Variants in C2CD3 observed in about 807,000 individuals in gnomAD.
C2CD3 encodes the protein C2 domain containing 3 centriole elongation regulator.
In C2CD3, 148 loss-of-function variants were observed where a neutral mutation model predicts 234.0. That is an observed-to-expected ratio of 0.63 (90% CI 0.55 to 0.72). The LOEUF is 0.72. Ranked by LOEUF, C2CD3 falls within the 30% of genes least tolerant of loss-of-function variation. The probability of loss-of-function intolerance (pLI) is 0.00; values close to 1 mark genes in which losing one functional copy is unlikely to be tolerated. For synonymous variants in C2CD3, 1,000 were observed against 1,035.4 expected (o/e 0.97, Z 0.66); for missense variants, 2,577 against 2,811.5 (o/e 0.92, Z 1.89).
intron 11 of C2CD3, among the ~76,000 whole-genome samples, chr11:74,112,194 T>C (rs1281022122): frequency 6.6e-6 from 1 of 152,164 alleles, no homozygotes; most frequent in Admixed American, 6.6e-5. Context: ...GTAGGAGTGT[T>C]AGGACCACAT....
chr11:74,131,076 G>A (rs1337302865), intron 7 of C2CD3, among the ~76,000 whole-genome samples: 4 of 151,856 alleles, frequency 2.6e-5, no homozygotes, highest in African/African-American at 9.7e-5. Flanking sequence ...AGCCTCCCAA[G>A]TAGCTGGGAC....
chr11:74,123,737 C>CTT (rs5792646), intron 7 of C2CD3, among the ~76,000 whole-genome samples: 11 of 119,474 alleles, frequency 9.2e-5, no homozygotes, highest in Admixed American at 1.7e-4. Context: ...ACGCTGGTAT[C>CTT]TTTTTTTTTT....
chr11:74,037,567 C>T lies in C2CD3; in HGVS notation c.5792G>A (p.Gly1931Glu). 6.2e-7 allele frequency: 1 copy of T among 1,614,072 alleles called. No individual in the cohort carries two copies. Among genetic ancestry groups the T allele is most frequent in the African/African-American group, 1.3e-5 (1 of 74,996 alleles). The change falls in exon 30 of 33, where the codon GGG becomes GAG. Residue 1931 changes from glycine (G) to glutamate (E), a missense_variant. By Grantham distance (98) the Gly-to-Glu change is moderately conservative. Coordinates refer to ENST00000334126, the MANE Select transcript of C2CD3 (RefSeq NM_001286577.2). ...QHQESCRDHLGPGASSLDPGS... is the reference protein window; with the variant it reads ...QHQESCRDHLEPGASSLDPGS... Reference sequence around the variant, plus strand: ...AGGGTCTAGGCTGCTGGCACCTGGCCCAAGATGGTCCCTACAGCTCTCCTG... The same window carrying T: ...AGGGTCTAGGCTGCTGGCACCTGGCTCAAGATGGTCCCTACAGCTCTCCTG...
intron 8 of C2CD3, among the ~76,000 whole-genome samples, chr11:74,122,011 C>G (rs1957235509): frequency 6.6e-6 from 1 of 152,172 alleles, no homozygotes; most frequent in Non-Finnish European, 1.5e-5. Flanking sequence ...GTAGGGTTGC[C>G]AGACACAGAT....
Position 74,133,443 on chromosome 11 carries a change from G to C in C2CD3, c.1070C>G (p.Ser357Cys). Residue 357 changes from serine (S) to cysteine (C), a missense_variant, in exon 6 of 33, where the codon TCT (serine) becomes TGT (cysteine). Transcript: ENST00000334126. ...DQVHPPINEDSLRASTQIRAF... is the reference protein window; with the variant it reads ...DQVHPPINEDCLRASTQIRAF... ...AACTTACTGTGTTGATGCTCTAAGA[G>C]AATCTTCATTAATAGGAGGATGAAC... 1.9e-6 allele frequency: 3 copies of C among 1,613,602 alleles called. No homozygotes were observed. Among genetic ancestry groups the C allele is most frequent in the Non-Finnish European group, 2.5e-6 (3 of 1,179,574 alleles).
At chr11:74,038,719 C>T (rs1952862190) in intron 29 of C2CD3, among the ~76,000 whole-genome samples, 1 of 152,196 alleles carries the variant, frequency 6.6e-6, no homozygotes, top group East Asian at 1.9e-4. Flanking sequence ...TCCATTATCC[C>T]AAATCTTTGC....
intron 19 of C2CD3, chr11:74,091,231 A>G: frequency 4.0e-6 from 1 of 252,310 alleles, no homozygotes; most frequent in Non-Finnish European, 7.6e-6. Context: ...TTTACCCCCA[A>G]TTATGTTTAT....
chr11:74,126,780 G>A (rs1262309421), intron 7 of C2CD3, among the ~76,000 whole-genome samples: 3 of 151,960 alleles, frequency 2.0e-5, no homozygotes, highest in African/African-American at 2.4e-5. Flanking sequence ...TAAATAAAGT[G>A]AGCAATTCAA....
chr11:74,093,854 G>A lies in C2CD3; in HGVS notation c.3306C>T (p.Leu1102=), dbSNP rs1390267684. ...LLLSAFSAQG[L]VPGGGVQFEI... Reference sequence around the variant, plus strand: ...CAAACTGGACTCCACCTCCAGGCACGAGGCCCTGTGCAGAGAAAGCACTTA... The same window carrying A: ...CAAACTGGACTCCACCTCCAGGCACAAGGCCCTGTGCAGAGAAAGCACTTA... Residue 1102 remains leucine, a synonymous_variant, in exon 18 of 33, where the codon CTC becomes CTT. Coordinates refer to ENST00000334126, the MANE Select transcript of C2CD3 (RefSeq NM_001286577.2). The A allele has an allele frequency of 1.9e-5, 31 of 1,613,846 alleles. No individual in the cohort carries two copies. The highest frequency in any genetic ancestry group is 2.5e-5 in the Non-Finnish European group (30 of 1,179,922).
intron 19 of C2CD3, among the ~76,000 whole-genome samples, chr11:74,092,032 A>G (rs1014016394): frequency 7.3e-5 from 11 of 150,902 alleles, no homozygotes; most frequent in South Asian, 4.2e-4. Flanking sequence ...ATATATATAT[A>G]TGTGTGTGTG....
At chr11:74,095,717 T>C (rs1956079025) in intron 16 of C2CD3, among the ~76,000 whole-genome samples, 1 of 152,196 alleles carries the variant, frequency 6.6e-6, no homozygotes, top group African/African-American at 2.4e-5. Context: ...CATTTGTTCC[T>C]GATAAAAGCT....
At chr11:74,137,861 C>T (rs1957920448) in intron 5 of C2CD3, among the ~76,000 whole-genome samples, 1 of 152,158 alleles carries the variant, frequency 6.6e-6, no homozygotes, top group African/African-American at 2.4e-5. Flanking sequence ...GTTGGGATTA[C>T]AGGCGTGAGC....
intron 20 of C2CD3, among the ~76,000 whole-genome samples, chr11:74,090,357 A>G (rs1284947351): frequency 1.3e-5 from 2 of 152,120 alleles, no homozygotes; most frequent in Non-Finnish European, 2.9e-5. Context: ...AGTAATGAGG[A>G]TCCCGCCACT....
chr11:74,110,853 C>T (rs1956716116), intron 11 of C2CD3, among the ~76,000 whole-genome samples: 1 of 151,982 alleles, frequency 6.6e-6, no homozygotes, highest in South Asian at 2.1e-4. Flanking sequence ...CTAGTCTAAT[C>T]CATATTATTG....
chr11:74,160,616 G>T (rs1380776311), intron 3 of C2CD3, among the ~76,000 whole-genome samples: 1 of 152,102 alleles, frequency 6.6e-6, no homozygotes, highest in African/African-American at 2.4e-5. Flanking sequence ...ATGGAGAGAG[G>T]TTGGTCAATG....
Position 74,093,980 on chromosome 11 carries a change from G to A in C2CD3, c.3180C>T (p.Phe1060=), listed in dbSNP as rs1956005927. Residue 1060 remains phenylalanine, a synonymous_variant, in exon 18 of 33, where the codon TTC becomes TTT. Transcript: ENST00000334126. ...GAACACAGAGTGTGGTTGCAGTTCT[G>A]AAGGGCTTCAGAGTAATTCCTTTGG... ...FLENGITLKP[F]RTATTLCVPD... The A allele has an allele frequency of 6.2e-7, 1 of 1,613,604 alleles. No individual in the cohort carries two copies. Among genetic ancestry groups the A allele is most frequent in the African/African-American group, 1.3e-5 (1 of 74,910 alleles).
At chr11:74,130,118 G>C (rs1428050189) in intron 7 of C2CD3, 1 of 145,478 alleles carries the variant, frequency 6.9e-6, no homozygotes, top group Non-Finnish European at 1.5e-5. Context: ...GAGACCGTGG[G>C]GAGGGGGAGA....
chr11:74,134,017 A>G (rs1481331984), intron 5 of C2CD3, among the ~76,000 whole-genome samples: 1 of 152,200 alleles, frequency 6.6e-6, no homozygotes, highest in East Asian at 1.9e-4. Flanking sequence ...CGACTTTCTG[A>G]TAGGTAAAAT....
At chr11:74,105,607 G>A (rs954528206) in intron 13 of C2CD3, among the ~76,000 whole-genome samples, 2 of 152,080 alleles carry the variant, frequency 1.3e-5, no homozygotes, top group Non-Finnish European at 2.9e-5. Flanking sequence ...CTATACTGAA[G>A]CCACACGCTC....
Sources: gnomAD v4.1 joint callset for allele counts (sites outside exome capture counted in the v4.1 genomes callset) on GRCh38, gnomAD v4.1.1 for gene constraint, MANE v1.5 for transcripts, NCBI Gene and HGNC (gene_info 2026-07-23, HGNC 2026-07-21) for gene names.